Variants in CPAP observed in about 807,000 individuals in gnomAD.
CPAP encodes the protein centrosome assembly and centriole elongation protein, also known as centrosomal P4.1-associated protein.
chr13:24,886,213 G>C, the CPAP span: 2 of 816,826 alleles, frequency 2.4e-6, no homozygotes, highest in Non-Finnish European at 3.6e-6. Context: ...TGTGCCAATG[G>C]ATCATATTGT....
chr13:24,926,561 G>A, the CPAP span, among the ~76,000 whole-genome samples: 3 of 152,074 alleles, frequency 2.0e-5, no homozygotes, highest in African/African-American at 7.2e-5. Context: ...AAAAGGAAAG[G>A]GAAGAGGAAC....
At chr13:24,899,287 AGATT>A in the CPAP span, 45 of 697,148 alleles carry the variant, frequency 6.5e-5, no homozygotes, top group African/African-American at 6.9e-4. Flanking sequence ...TGTCTCAGAC[AGATT>A]ATTTGCTGAA....
chr13:24,916,854 T>C, the CPAP span, among the ~76,000 whole-genome samples: 1 of 152,188 alleles, frequency 6.6e-6, no homozygotes, highest in South Asian at 2.1e-4. Flanking sequence ...AAAGAACAAG[T>C]AAGCTCTTTA....
chr13:24,917,208 C>T, the CPAP span, among the ~76,000 whole-genome samples: 3 of 152,106 alleles, frequency 2.0e-5, no homozygotes, highest in South Asian at 2.1e-4. Context: ...GAGCCGAGAT[C>T]GCGCCACTGC....
the CPAP span, among the ~76,000 whole-genome samples, chr13:24,927,372 T>C: frequency 2.6e-5 from 4 of 152,182 alleles, no homozygotes; most frequent in Non-Finnish European, 4.4e-5. Context: ...GCCAGCCATA[T>C]AGAACCAGCA....
At chr13:24,915,773 T>C in the CPAP span, among the ~76,000 whole-genome samples, 4 of 152,226 alleles carry the variant, frequency 2.6e-5, no homozygotes, top group East Asian at 5.8e-4. Flanking sequence ...CACTCCAGCC[T>C]GGGCAACAAG....
chr13:24,885,934 T>G, the CPAP span: 1 of 486,076 alleles, frequency 2.1e-6, no homozygotes, highest in Non-Finnish European at 3.7e-6. Flanking sequence ...CAGACCCAAA[T>G]GTATTTCAGA....
the CPAP span, chr13:24,885,128 A>G: frequency 1.5e-6 from 1 of 648,008 alleles, no homozygotes; most frequent in Non-Finnish European, 2.7e-6. Flanking sequence ...CAGAGATTGT[A>G]TGCCGCCTTT....
chr13:24,913,602 T>TA, the CPAP span, among the ~76,000 whole-genome samples: 1 of 152,196 alleles, frequency 6.6e-6, no homozygotes, highest in African/African-American at 2.4e-5. Flanking sequence ...ACCCACCAGA[T>TA]AGCCCCTCAT....
chr13:24,883,612 A>G, the CPAP span, among the ~76,000 whole-genome samples: 1 of 152,104 alleles, frequency 6.6e-6, no homozygotes, highest in Admixed American at 6.5e-5. Context: ...ACTTTTTTCA[A>G]CTTGTGTTCT....
chr13:24,919,889 G>C, the CPAP span, among the ~76,000 whole-genome samples: 2 of 152,156 alleles, frequency 1.3e-5, no homozygotes, highest in East Asian at 1.9e-4. Flanking sequence ...TCAGCCTCCA[G>C]AGTAGCTGGG....
chr13:24,929,495 TGGAA>T, the CPAP span, among the ~76,000 whole-genome samples: 1 of 152,362 alleles, frequency 6.6e-6, no homozygotes, highest in South Asian at 2.1e-4. Flanking sequence ...GTTAATCTTA[TGGAA>T]GGTCCTTTGT....
the CPAP span, among the ~76,000 whole-genome samples, chr13:24,890,585 CA>C: frequency 6.6e-6 from 1 of 152,190 alleles, no homozygotes; most frequent in Non-Finnish European, 1.5e-5. Flanking sequence ...TGGATGACCA[CA>C]AGCTGAATAA....
the CPAP span, among the ~76,000 whole-genome samples, chr13:24,903,450 G>C: frequency 6.6e-6 from 1 of 152,210 alleles, no homozygotes; most frequent in African/African-American, 2.4e-5. Flanking sequence ...GCAGAGACTG[G>C]AGTGATGTAG....
chr13:24,932,097 C>G, the CPAP span, among the ~76,000 whole-genome samples: 1 of 152,214 alleles, frequency 6.6e-6, no homozygotes, highest in Non-Finnish European at 1.5e-5. Context: ...TGATAAAGCA[C>G]GCAGAACCGC....
chr13:24,914,155 C>G, the CPAP span, among the ~76,000 whole-genome samples: 1 of 152,128 alleles, frequency 6.6e-6, no homozygotes, highest in African/African-American at 2.4e-5. Flanking sequence ...ACAAGGTGGA[C>G]AGCATCCTCA....
At chr13:24,885,418 A>T in the CPAP span, 1 of 1,456,348 alleles carries the variant, frequency 6.9e-7, no homozygotes. Context: ...AGCAGCTAAA[A>T]CCTACTCTTA....
chr13:24,899,473 CTTTTCA>C, the CPAP span: 10 of 1,613,822 alleles, frequency 6.2e-6, no homozygotes, highest in Non-Finnish European at 8.5e-6. Flanking sequence ...CTGTAGTATA[CTTTTCA>C]AAAACTTTAC....
chr13:24,886,526 T>C, the CPAP span: 1 of 444,180 alleles, frequency 2.3e-6, no homozygotes, highest in Non-Finnish European at 4.3e-6. Flanking sequence ...GTCTAGGGAC[T>C]ACTGGGAGTG....
Sources: allele counts gnomAD v4.1 joint callset (sites outside exome capture counted in the v4.1 genomes callset), GRCh38; gene constraint gnomAD v4.1.1; transcripts MANE v1.5; gene names NCBI Gene and HGNC (gene_info 2026-07-23, HGNC 2026-07-21).